The following TCF7L2 variants were observed in gnomAD, a reference collection of about 807,000 sequenced individuals.
The protein encoded by TCF7L2 is transcription factor 7-like 2.
A neutral mutation model predicts 77.9 loss-of-function variants in TCF7L2; 23 were observed. The observed-to-expected ratio is 0.30, with a 90% confidence interval of 0.21 to 0.42. The LOEUF (loss-of-function observed/expected upper bound fraction) is 0.42, where lower values mean the gene tolerates loss of function less well. Ranked by LOEUF, TCF7L2 falls within the 10% of genes least tolerant of loss-of-function variation. TCF7L2 has a pLI of 1.00. For missense variants in TCF7L2, 654 were observed against 793.1 expected, an observed-to-expected ratio of 0.82 and a Z score of 2.11; for synonymous variants, 413 against 340.2, an observed-to-expected ratio of 1.21 and a Z score of -2.36.
At chr10:113,146,148 A>C (rs1417793091) in intron 8 of TCF7L2, 51 bp downstream of exon 8, 1 of 1,576,238 alleles carries the variant, frequency 6.3e-7, no homozygotes, top group Non-Finnish European at 8.7e-7. Context: ...TGACTTCTCA[A>C]GAAGTTCTCT....
At chr10:113,036,098 TATCATCATC>T (rs1183058281) in intron 4 of TCF7L2, among the ~76,000 whole-genome samples, 1 of 140,988 alleles carries the variant, frequency 7.1e-6, no homozygotes, top group African/African-American at 2.7e-5. Context: ...TTTGTCGCCA[TATCATCATC>T]ATCATCACCA....
rs142065959 is a variant in TCF7L2, at chr10:113,049,692, T to A, written c.552+9566T>A. Among the ~76,000 whole-genome samples, 447 of 152,282 alleles carry A rather than the reference T, an allele frequency of 2.9e-3. 5 individuals carry two copies. Among genetic ancestry groups the A allele is most frequent in the Middle Eastern group, 0.017 (5 of 294 alleles). On this transcript the variant is annotated intron_variant, in intron 5 of 13. Coordinates refer to ENST00000627217, the MANE Select transcript of TCF7L2 (RefSeq NM_001146274.2). ...AGACAGATCATATCACAGACCTCTA[T>A]ACTGAAAGTCGGGATAAATTTTATC...
intron 5 of TCF7L2, among the ~76,000 whole-genome samples, chr10:113,109,597 G>A (rs1384161147): frequency 6.6e-6 from 1 of 152,148 alleles, no homozygotes; most frequent in Non-Finnish European, 1.5e-5. Context: ...CTCCACGTTG[G>A]CTAGGCTGGT....
Position 112,965,637 on chromosome 10 carries a change from G to A in TCF7L2, c.450+1013G>A, listed in dbSNP as rs929969699. ...TGTCTGTGTGTGTGTATATGTGTGT[G>A]TGTGTGTGTGTGTGTGTGTGTGTGT... On this transcript the variant is annotated intron_variant, in intron 4 of 13. Coordinates refer to ENST00000627217, the MANE Select transcript of TCF7L2 (RefSeq NM_001146274.2). Among the ~76,000 whole-genome samples, 673 of 79,270 alleles carry A rather than the reference G, an allele frequency of 8.5e-3. 9 individuals are homozygous for A. The highest frequency in any genetic ancestry group is 0.032 in the East Asian group (150 of 4,664). 52.0% of individuals were successfully genotyped at this position (79,270 alleles called of 152,430 possible).
rs1295160160 is a variant in TCF7L2 at position 113,103,332 on chromosome 10, T to G, written c.553-37852T>G. Among the ~76,000 whole-genome samples, 6 of 152,364 alleles carry G rather than the reference T, an allele frequency of 3.9e-5. No individual in the cohort carries two copies. The East Asian group carries it at 1.2e-3, about 29-fold the overall frequency. Reference sequence around the variant, plus strand: ...ATCTTTATTACCGGAAGTTGTGGCTTCTGAGCCTCTCTGCAATTGGCAACA... The same window carrying G: ...ATCTTTATTACCGGAAGTTGTGGCTGCTGAGCCTCTCTGCAATTGGCAACA... On this transcript the variant is annotated intron_variant, in intron 5 of 13. Transcript: ENST00000627217.
At chr10:113,065,217 C>T (rs7919409) in intron 5 of TCF7L2, among the ~76,000 whole-genome samples, 124,827 of 152,176 alleles carry the variant, frequency 0.82, 51,900 homozygotes, top group Non-Finnish European at 0.9. Context: ...ATGTTGTTTA[C>T]CAGGCAGCAA....
intron 3 of TCF7L2, among the ~76,000 whole-genome samples, chr10:112,961,374 G>A (rs1234787448): frequency 6.6e-6 from 1 of 151,586 alleles, no homozygotes; most frequent in Non-Finnish European, 1.5e-5. Flanking sequence ...CCTGGACTTC[G>A]CAGTCTCACC....
chr10:112,979,540 T>A (rs2040088702), intron 4 of TCF7L2, among the ~76,000 whole-genome samples: 1 of 152,130 alleles, frequency 6.6e-6, no homozygotes, highest in Non-Finnish European at 1.5e-5. Context: ...GCGGATCACT[T>A]GAGGTCAGGA....
At chr10:113,022,788 A>T (rs960038360) in intron 4 of TCF7L2, among the ~76,000 whole-genome samples, 1 of 151,892 alleles carries the variant, frequency 6.6e-6, no homozygotes. Flanking sequence ...GGCTGTTTGT[A>T]TTCCCATTTT....
At chr10:113,161,027 A>G (rs2073084949) in intron 13 of TCF7L2, among the ~76,000 whole-genome samples, 1 of 152,232 alleles carries the variant, frequency 6.6e-6, no homozygotes, top group South Asian at 2.1e-4. Context: ...TGGCCCGGGT[A>G]CTGAGCACAG....
At chr10:112,963,206 A>C (rs998232323) in intron 3 of TCF7L2, among the ~76,000 whole-genome samples, 5 of 152,026 alleles carry the variant, frequency 3.3e-5, no homozygotes, top group Non-Finnish European at 7.3e-5. Flanking sequence ...CCCATGAACA[A>C]CATGGATTTA....
Position 112,992,734 on chromosome 10 carries a change from C to T in TCF7L2, c.450+28110C>T, listed in dbSNP as rs74236158. On this transcript the variant is annotated intron_variant, in intron 4 of 13. Transcript: ENST00000627217. ...TCCAAGCAGACCCCCTCTGTGACTC[C>T]GGAATGCAGTGTTACTCTCTTATAT... Among the ~76,000 whole-genome samples, 444 of 151,772 alleles carry T rather than the reference C, an allele frequency of 2.9e-3. 10 individuals carry two copies. In the East Asian group the frequency reaches 0.074, roughly 25 times the overall value.
chr10:112,952,438 G>C (rs893754721), intron 3 of TCF7L2, among the ~76,000 whole-genome samples: 4 of 152,140 alleles, frequency 2.6e-5, no homozygotes, highest in Non-Finnish European at 4.4e-5. Flanking sequence ...GGCCGCGCAG[G>C]GCAGCAGGGC....
intron 4 of TCF7L2, among the ~76,000 whole-genome samples, chr10:112,981,452 G>A (rs1395973042): frequency 6.6e-6 from 1 of 152,118 alleles, no homozygotes; most frequent in African/African-American, 2.4e-5. Context: ...TTTTAGGATC[G>A]TTTAGGAAAA....
intron 4 of TCF7L2, among the ~76,000 whole-genome samples, chr10:113,021,707 T>C (rs1034950288): frequency 1.3e-5 from 2 of 152,242 alleles, no homozygotes; most frequent in Non-Finnish European, 2.9e-5. Context: ...GACTTCCCAC[T>C]CTTTAAACCA....
At chr10:113,037,973 G>T (rs540355329) in intron 4 of TCF7L2, among the ~76,000 whole-genome samples, 1 of 152,316 alleles carries the variant, frequency 6.6e-6, no homozygotes, top group Non-Finnish European at 1.5e-5. Flanking sequence ...AGTGAGAATG[G>T]GAAGAAGTTG....
At chr10:113,128,431 G>A (rs745371480) in intron 5 of TCF7L2, among the ~76,000 whole-genome samples, 9 of 152,006 alleles carry the variant, frequency 5.9e-5, no homozygotes, top group Non-Finnish European at 1.2e-4. Context: ...GACCTACATC[G>A]TGAAAACAGT....
intron 13 of TCF7L2, chr10:113,160,718 GA>G: frequency 6.4e-7 from 1 of 1,566,020 alleles, no homozygotes. Flanking sequence ...AGGCCTTTGG[GA>G]AAATCAAAGC....
chr10:113,043,433 T>G (rs1304960493), intron 5 of TCF7L2, among the ~76,000 whole-genome samples: 1 of 152,222 alleles, frequency 6.6e-6, no homozygotes, highest in Non-Finnish European at 1.5e-5. Context: ...CTGTAGCTGA[T>G]ATAGCATCTC....
Sources: gnomAD v4.1 joint callset for allele counts (sites outside exome capture counted in the v4.1 genomes callset) on GRCh38, gnomAD v4.1.1 for gene constraint, MANE v1.5 for transcripts, NCBI Gene and HGNC (gene_info 2026-07-23, HGNC 2026-07-21) for gene names.